The following INPP4B variants were observed in gnomAD, a reference collection of about 807,000 sequenced individuals.
The protein encoded by INPP4B is inositol polyphosphate-4-phosphatase type II B.
INPP4B carries 55 observed loss-of-function variants against 122.5 expected under a neutral mutation model. The ratio of observed to expected loss-of-function variants is 0.45; its 90% CI spans 0.36 to 0.56. INPP4B has a LOEUF of 0.56. Ranked by LOEUF, INPP4B falls within the 20% of genes least tolerant of loss-of-function variation. The pLI is 0.00. For synonymous variants in INPP4B, 403 were observed against 388.7 expected, an observed-to-expected ratio of 1.04 and a Z score of -0.43; for missense variants, 1,000 against 1,097.7, an observed-to-expected ratio of 0.91 and a Z score of 1.26.
At chr4:142,166,328 G>T (rs1005653906) in intron 16 of INPP4B, among the ~76,000 whole-genome samples, 3 of 151,530 alleles carry the variant, frequency 2.0e-5, no homozygotes, top group African/African-American at 7.3e-5. Context: ...TTTTCCTCTG[G>T]CTAGCCATAT....
rs1211303548 is a variant in INPP4B, at chr4:142,026,721, C to T, written c.*2061G>A. 1 of 152,182 alleles carries T rather than the reference C, an allele frequency of 6.6e-6. No individual in the cohort carries two copies. The highest frequency in any genetic ancestry group is 1.9e-4 in the East Asian group (1 of 5,192). The allele number at this position is 152,182 out of a possible 1,614,324, so 9.4% of individuals were successfully genotyped here. ...ACCTCAGGTGATCTATCCACCTTGG[C>T]TCCCAAAGTGCTGGGATTACAGGAA... On this transcript the variant is annotated 3_prime_UTR_variant, in exon 26 of 26. Transcript: ENST00000262992.
chr4:142,211,158 A>G (rs1201628954), intron 12 of INPP4B, among the ~76,000 whole-genome samples: 1 of 152,246 alleles, frequency 6.6e-6, no homozygotes, highest in African/African-American at 2.4e-5. Flanking sequence ...GGGGAACTAT[A>G]TGATAAAAGT....
rs1037806169 is a variant in INPP4B at position 142,156,317 on chromosome 4, A to T, written c.1563+4041T>A. 6.6e-5 allele frequency among the ~76,000 whole-genome samples: 10 copies of T among 152,130 alleles called. No homozygotes were observed. The East Asian group carries it at 1.9e-3, about 29-fold the overall frequency. On this transcript the variant is annotated intron_variant, in intron 17 of 25. Transcript: ENST00000262992. ...GAAATTAAATCACAGTGTTCCACAG[A>T]ATTTCAGAATTATTAGAAACCACAA...
intron 7 of INPP4B, chr4:142,347,519 CA>C: frequency 2.3e-6 from 1 of 439,372 alleles, no homozygotes; most frequent in Non-Finnish European, 4.6e-6. Context: ...CCTCAGGGGT[CA>C]AAAAATTCAC....
intron 1 of INPP4B, among the ~76,000 whole-genome samples, chr4:142,764,205 T>C (rs1771752382): frequency 6.6e-6 from 1 of 152,162 alleles, no homozygotes; most frequent in African/African-American, 2.4e-5. Flanking sequence ...ACAAACTGCA[T>C]TTAATCTGTA....
intron 9 of INPP4B, among the ~76,000 whole-genome samples, chr4:142,292,282 A>T (rs1037080219): frequency 7.9e-5 from 12 of 152,208 alleles, no homozygotes; most frequent in Non-Finnish European, 1.5e-4. Flanking sequence ...AACAGTGATG[A>T]AACTCCAACT....
intron 2 of INPP4B, among the ~76,000 whole-genome samples, chr4:142,503,689 C>A (rs1373579939): frequency 6.6e-6 from 1 of 151,978 alleles, no homozygotes; most frequent in African/African-American, 2.4e-5. Context: ...GGTGCCTAAT[C>A]ATAGCCAATA....
chr4:142,189,279 A>G (rs76634461), intron 15 of INPP4B, among the ~76,000 whole-genome samples: 2,490 of 152,248 alleles, frequency 0.016, 34 homozygotes, highest in Non-Finnish European at 0.025. Flanking sequence ...ATCTTATTGC[A>G]TTATGATTAT....
At chr4:142,377,933 C>T (rs1021126815) in intron 7 of INPP4B, among the ~76,000 whole-genome samples, 1 of 152,078 alleles carries the variant, frequency 6.6e-6, no homozygotes, top group Non-Finnish European at 1.5e-5. Context: ...TGACCATAAG[C>T]AACCTTTTGG....
intron 1 of INPP4B, among the ~76,000 whole-genome samples, chr4:142,798,120 C>T (rs1777516274): frequency 6.6e-6 from 1 of 151,804 alleles, no homozygotes; most frequent in Non-Finnish European, 1.5e-5. Flanking sequence ...AATGAAATTA[C>T]TGATATTACA....
At chr4:142,277,320 G>A (rs1225062573) in intron 9 of INPP4B, among the ~76,000 whole-genome samples, 1 of 151,252 alleles carries the variant, frequency 6.6e-6, no homozygotes, top group African/African-American at 2.4e-5. Flanking sequence ...CTTTTGCTGT[G>A]CAGAAGTTTT....
At chr4:142,691,289 T>C (rs1760130140) in intron 2 of INPP4B, among the ~76,000 whole-genome samples, 2 of 151,730 alleles carry the variant, frequency 1.3e-5, no homozygotes, top group South Asian at 2.1e-4. Context: ...TTTGAAAAAA[T>C]GTCAAAAACA....
intron 9 of INPP4B, among the ~76,000 whole-genome samples, chr4:142,294,957 A>G (rs1758031576): frequency 6.6e-6 from 1 of 150,776 alleles, no homozygotes; most frequent in East Asian, 2.0e-4. Context: ...TGGTGTGGGG[A>G]AGGGAAAGAG....
chr4:142,340,413 T>TCTC (rs10655727), intron 7 of INPP4B, among the ~76,000 whole-genome samples: 2 of 13,264 alleles, frequency 1.5e-4, no homozygotes, highest in East Asian at 8.9e-3. Flanking sequence ...TTTTTTTCTC[T>TCTC]TTAAAATTTT....
chr4:142,085,736 T>C (rs897306661), intron 24 of INPP4B, among the ~76,000 whole-genome samples: 3 of 152,194 alleles, frequency 2.0e-5, no homozygotes, highest in African/African-American at 7.2e-5. Context: ...CTGAACAATA[T>C]GTCCAGGAGC....
chr4:142,534,186 G>A (rs1455364654), intron 2 of INPP4B, among the ~76,000 whole-genome samples: 1 of 152,036 alleles, frequency 6.6e-6, no homozygotes, highest in Non-Finnish European at 1.5e-5. Flanking sequence ...GCATAACCTA[G>A]CCCATCCTGA....
chr4:142,208,996 A>C lies in INPP4B; in HGVS notation c.867T>G (p.Leu289=). The C allele has an allele frequency of 6.2e-7, 1 of 1,604,112 alleles. No individual in the cohort carries two copies. Among genetic ancestry groups the C allele is most frequent in the Non-Finnish European group, 8.5e-7 (1 of 1,173,704 alleles). ...RNQEIKELGE[L]SPHWDNLRKN... ...TTCGCAGATTGTCCCAATGTGGAGA[A>C]AGCTCACCAAGTTCTTTTATCTCCT... The change falls in exon 13 of 26, where the codon CTT becomes CTG. Residue 289 remains leucine (L), a synonymous_variant. Coordinates refer to ENST00000262992, the MANE Select transcript of INPP4B (RefSeq NM_001101669.3).
chr4:142,159,588 A>AT (rs1322800117), intron 17 of INPP4B, among the ~76,000 whole-genome samples: 6 of 151,716 alleles, frequency 4.0e-5, no homozygotes, highest in South Asian at 4.2e-4. Flanking sequence ...CTAGCACACT[A>AT]TTTTTTTTGT....
At chr4:142,213,887 G>C (rs563330247) in intron 12 of INPP4B, among the ~76,000 whole-genome samples, 1 of 152,266 alleles carries the variant, frequency 6.6e-6, no homozygotes, top group Non-Finnish European at 1.5e-5. Flanking sequence ...CTCCGTGAGT[G>C]AGTCACAGGG....
Sources: gnomAD v4.1 joint callset for allele counts (sites outside exome capture counted in the v4.1 genomes callset) on GRCh38, gnomAD v4.1.1 for gene constraint, MANE v1.5 for transcripts, NCBI Gene and HGNC (gene_info 2026-07-23, HGNC 2026-07-21) for gene names.